ROBO1: variants seen among roughly 807,000 people sequenced by gnomAD.
ROBO1 encodes the protein roundabout guidance receptor 1.
In ROBO1, 149 loss-of-function variants were observed where a neutral mutation model predicts 195.9. That is an observed-to-expected ratio of 0.76 (90% CI 0.67 to 0.87). The LOEUF is 0.87. Ranked by LOEUF, ROBO1 falls within the 40% of genes least tolerant of loss-of-function variation. The probability of loss-of-function intolerance (pLI) is 0.00; values close to 1 mark genes in which losing one functional copy is unlikely to be tolerated. For missense variants in ROBO1, 1,933 were observed against 2,068.3 expected (o/e 0.93, Z 1.27); for synonymous variants, 816 against 733.2 (o/e 1.11, Z -1.82).
At chr3:78,628,243 T>C (rs1277812655) in intron 25 of ROBO1, among the ~76,000 whole-genome samples, 1 of 152,172 alleles carries the variant, frequency 6.6e-6, no homozygotes. Context: ...CGTGAGCCAC[T>C]GTGCCCAGCC....
intron 1 of ROBO1, among the ~76,000 whole-genome samples, chr3:79,749,583 A>G (rs916678962): frequency 6.6e-6 from 1 of 152,142 alleles, no homozygotes; most frequent in Non-Finnish European, 1.5e-5. Flanking sequence ...CCAGGTCTAG[A>G]GTCCCCCTAC....
chr3:79,447,885 T>C (rs2039316999), intron 2 of ROBO1, among the ~76,000 whole-genome samples: 1 of 152,166 alleles, frequency 6.6e-6, no homozygotes, highest in African/African-American at 2.4e-5. Flanking sequence ...AACCTACCCA[T>C]CTATTACTGA....
chr3:79,142,219 G>A (rs900738659), intron 2 of ROBO1, among the ~76,000 whole-genome samples: 5 of 152,092 alleles, frequency 3.3e-5, no homozygotes, highest in Non-Finnish European at 7.4e-5. Flanking sequence ...AAAGATATTA[G>A]GCTATTTATG....
intron 4 of ROBO1, among the ~76,000 whole-genome samples, chr3:78,913,462 G>A (rs533010494): frequency 3.9e-4 from 59 of 151,816 alleles, no homozygotes; most frequent in African/African-American, 1.3e-3. Flanking sequence ...TAATAATCTA[G>A]AGCAATGAGA....
intron 2 of ROBO1, among the ~76,000 whole-genome samples, chr3:79,450,761 ACT>A (rs1412229169): frequency 1.3e-5 from 2 of 151,870 alleles, no homozygotes; most frequent in Admixed American, 6.6e-5. Flanking sequence ...TTATATTAAC[ACT>A]CTAACATTCT....
At chr3:79,169,770 C>T (rs906388374) in intron 2 of ROBO1, among the ~76,000 whole-genome samples, 10 of 151,996 alleles carry the variant, frequency 6.6e-5, no homozygotes, top group African/African-American at 1.7e-4. Flanking sequence ...ATAACCTATG[C>T]CCATTTTGTT....
chr3:79,239,063 C>A (rs1016826097), intron 2 of ROBO1, among the ~76,000 whole-genome samples: 6 of 152,166 alleles, frequency 3.9e-5, no homozygotes, highest in Admixed American at 3.9e-4. Flanking sequence ...CATTCTCCAG[C>A]CTCATTTCTT....
At chr3:78,639,152 T>TA (rs1250036901) in intron 22 of ROBO1, among the ~76,000 whole-genome samples, 4 of 151,394 alleles carry the variant, frequency 2.6e-5, no homozygotes, top group South Asian at 2.1e-4. Flanking sequence ...GTCAAAAAAA[T>TA]AAAAAAAGTT....
chr3:79,662,416 T>C (rs1202340439), intron 1 of ROBO1, among the ~76,000 whole-genome samples: 1 of 152,068 alleles, frequency 6.6e-6, no homozygotes, highest in African/African-American at 2.4e-5. Flanking sequence ...CCTCATTCTT[T>C]GACTGTAAAA....
At chr3:79,147,155 C>A (rs1334221723) in intron 2 of ROBO1, among the ~76,000 whole-genome samples, 1 of 151,782 alleles carries the variant, frequency 6.6e-6, no homozygotes, top group Non-Finnish European at 1.5e-5. Context: ...TAATTTTATA[C>A]CACCTGTCCA....
chr3:79,523,133 G>T (rs900704283), intron 2 of ROBO1, among the ~76,000 whole-genome samples: 7 of 150,596 alleles, frequency 4.6e-5, no homozygotes, highest in Non-Finnish European at 1.0e-4. Context: ...AATAGAATCA[G>T]TTCCACCATT....
intron 1 of ROBO1, among the ~76,000 whole-genome samples, chr3:79,725,712 C>T (rs1447011769): frequency 1.3e-5 from 2 of 152,110 alleles, no homozygotes; most frequent in Admixed American, 1.3e-4. Flanking sequence ...ATACACGTCT[C>T]ACAGTTAAGA....
intron 1 of ROBO1, among the ~76,000 whole-genome samples, chr3:79,618,196 G>C (rs1944887296): frequency 6.6e-6 from 1 of 152,086 alleles, no homozygotes; most frequent in South Asian, 2.1e-4. Flanking sequence ...AAAAAGTCAG[G>C]AAAACATATC....
At chr3:79,684,294 G>C (rs750805476) in intron 1 of ROBO1, among the ~76,000 whole-genome samples, 1 of 152,010 alleles carries the variant, frequency 6.6e-6, no homozygotes, top group Non-Finnish European at 1.5e-5. Flanking sequence ...GTTTTATTGG[G>C]TTATTTTCCC....
At chr3:79,037,902 G>A (rs1368503059) in intron 3 of ROBO1, among the ~76,000 whole-genome samples, 1 of 152,148 alleles carries the variant, frequency 6.6e-6, no homozygotes, top group Non-Finnish European at 1.5e-5. Flanking sequence ...TTCTCAAAGA[G>A]GATAGTTCTT....
At chr3:79,632,482 A>C (rs186847341) in intron 1 of ROBO1, among the ~76,000 whole-genome samples, 1 of 152,258 alleles carries the variant, frequency 6.6e-6, no homozygotes, top group African/African-American at 2.4e-5. Flanking sequence ...AAAAAGTAGA[A>C]GGTAGGAGGG....
At chr3:78,717,732 C>T (rs2081937840) in intron 6 of ROBO1, 31 bp downstream of exon 6, 2 of 1,602,798 alleles carry the variant, frequency 1.2e-6, no homozygotes, top group African/African-American at 2.7e-5. Flanking sequence ...ATCTATTTTT[C>T]AATGAGAAGA....
intron 5 of ROBO1, among the ~76,000 whole-genome samples, chr3:78,726,085 AG>A (rs1484612134): frequency 1.9e-4 from 29 of 152,322 alleles, no homozygotes; most frequent in African/African-American, 7.0e-4. Context: ...TGAATTCAAC[AG>A]ACCAAAAACA....
chr3:79,354,107 G>A (rs1272021356), intron 2 of ROBO1, among the ~76,000 whole-genome samples: 1 of 151,728 alleles, frequency 6.6e-6, no homozygotes, highest in Non-Finnish European at 1.5e-5. Context: ...TACTACTGTT[G>A]CTGCTGCCAC....
Sources: gnomAD v4.1 joint callset for allele counts (sites outside exome capture counted in the v4.1 genomes callset) on GRCh38, gnomAD v4.1.1 for gene constraint, MANE v1.5 for transcripts, NCBI Gene and HGNC (gene_info 2026-07-23, HGNC 2026-07-21) for gene names.